Variants in CPNE1 observed in about 807,000 individuals in gnomAD.
The protein encoded by CPNE1 is copine-1.
Under a neutral mutation model 63.2 loss-of-function variants are expected in CPNE1, and 58 were observed. The observed-to-expected ratio is 0.92, with a 90% CI of 0.74 to 1.14. The LOEUF is 1.14. Among genes scored for constraint, CPNE1 ranks in the 50% most tolerant of loss-of-function variants. The pLI is 0.00. For synonymous variants in CPNE1, 237 were observed against 249.0 expected (o/e 0.95, Z 0.45); for missense variants, 672 against 661.7 (o/e 1.02, Z -0.17).
At chr20:35,664,646 G>C (rs1362263334) in intron 1 of CPNE1, 114 bp downstream of exon 1, 1 of 152,500 alleles carries the variant, frequency 6.6e-6, no homozygotes, top group African/African-American at 2.4e-5. Flanking sequence ...GACCCTTTGT[G>C]TGGGGCGCTA....
chr20:35,646,661 A>C (rs1357717125), intron 1 of CPNE1, among the ~76,000 whole-genome samples: 1 of 152,158 alleles, frequency 6.6e-6, no homozygotes, highest in East Asian at 1.9e-4. Context: ...CTATATAAGC[A>C]AGCAAAGGGA....
intron 5 of CPNE1, 24 bp from the exon 6 acceptor site, chr20:35,632,049 C>G (rs1568912689): frequency 1.2e-6 from 2 of 1,612,684 alleles, no homozygotes; most frequent in Non-Finnish European, 1.7e-6. Flanking sequence ...ACCCCAGTTA[C>G]AAGACTCAGG....
chr20:35,630,617 G>T, intron 12 of CPNE1, 124 bp downstream of exon 12: 3 of 1,446,362 alleles, frequency 2.1e-6, no homozygotes, highest in Non-Finnish European at 1.9e-6. Context: ...CTACGTGCCT[G>T]CAGGAATCCA....
At chr20:35,652,454 T>C (rs1280510621) in intron 1 of CPNE1, 6 of 1,503,924 alleles carry the variant, frequency 4.0e-6, no homozygotes, top group Admixed American at 2.1e-5. Context: ...CTGGAAATAC[T>C]AGGAAAACAA....
intron 1 of CPNE1, chr20:35,649,791 A>T (rs2033375867): frequency 6.6e-6 from 1 of 152,354 alleles, no homozygotes; most frequent in African/African-American, 2.4e-5. Context: ...AGGAAAAAAA[A>T]TTAAATCTAA....
chr20:35,651,173 T>C (rs545336799), intron 1 of CPNE1: 15 of 152,312 alleles, frequency 9.8e-5, no homozygotes, highest in Admixed American at 5.2e-4. Flanking sequence ...GTATTGTTTA[T>C]AATATAATGT....
At position 35,652,812 on chromosome 20, in the gene CPNE1, T is replaced by TGGGCCAGGGCCG. The variant is rs1555880137; in HGVS notation, c.-1+11936_-1+11947dup. On this transcript the variant is annotated intron_variant, in intron 1 of 15. Transcript: ENST00000397443. ...AGCCAGGGGGACCACCAATATGGATTGGGCCAGGGCCGGGGCCGGGGCCGG... is the reference window on the plus strand; with the variant it reads ...AGCCAGGGGGACCACCAATATGGATTGGGCCAGGGCCGGGGCCAGGGCCGGGGCCGGGGCCGG... 3.3e-5 allele frequency: 52 copies of TGGGCCAGGGCCG among 1,587,692 alleles called. No homozygotes were observed. In the Admixed American group the frequency reaches 6.9e-4, roughly 21 times the overall value.
chr20:35,652,262 G>C, intron 1 of CPNE1: 1 of 344,774 alleles, frequency 2.9e-6, no homozygotes. Context: ...GTGGTCATTT[G>C]AGTTTTACAA....
chr20:35,626,219 T>G lies in CPNE1; in HGVS notation c.*22A>C, dbSNP rs1210366932. 1.9e-6 allele frequency: 3 copies of G among 1,613,988 alleles called. No homozygotes were observed. Among genetic ancestry groups the G allele is most frequent in the Non-Finnish European group, 2.5e-6 (3 of 1,179,908 alleles). ...ACCTCTGGGACACAGGATTGAGGACTTGCCACAGCCTCCAAGGGAACCTAG... is the reference window on the plus strand; with the variant it reads ...ACCTCTGGGACACAGGATTGAGGACGTGCCACAGCCTCCAAGGGAACCTAG... On this transcript the variant is annotated 3_prime_UTR_variant, in exon 16 of 16. Coordinates refer to ENST00000397443, the MANE Select transcript of CPNE1 (RefSeq NM_152925.3).
intron 4 of CPNE1, 38 bp from the exon 5 acceptor site, chr20:35,632,272 G>A (rs752233099): frequency 8.1e-6 from 13 of 1,612,698 alleles, no homozygotes; most frequent in Middle Eastern, 1.6e-4. Context: ...TGAATTCATT[G>A]ATGTTAAGTC....
chr20:35,634,217 C>A (rs1312989825), intron 1 of CPNE1, among the ~76,000 whole-genome samples: 2 of 143,034 alleles, frequency 1.4e-5, no homozygotes, highest in Non-Finnish European at 3.0e-5. Flanking sequence ...GCCGAGATGG[C>A]GCCACTGCAC....
At chr20:35,659,462 G>C (rs1292388145) in intron 1 of CPNE1, among the ~76,000 whole-genome samples, 1 of 152,102 alleles carries the variant, frequency 6.6e-6, no homozygotes, top group East Asian at 1.9e-4. Flanking sequence ...CAATTCAAGG[G>C]TACTCATGGA....
intron 1 of CPNE1, chr20:35,652,794 G>A (rs762326338): frequency 1.5e-5 from 24 of 1,609,334 alleles, no homozygotes; most frequent in Non-Finnish European, 1.7e-5. Context: ...CAAAGCCAGG[G>A]GGACCACCAA....
At chr20:35,640,944 A>G (rs3787164) in intron 1 of CPNE1, among the ~76,000 whole-genome samples, 38,408 of 151,972 alleles carry the variant, frequency 0.25, 5,611 homozygotes, top group African/African-American at 0.41. Flanking sequence ...TCCATTTGGG[A>G]CTAGTCGGGT....
chr20:35,659,497 A>G (rs950187919), intron 1 of CPNE1, among the ~76,000 whole-genome samples: 3 of 152,210 alleles, frequency 2.0e-5, no homozygotes, highest in Non-Finnish European at 4.4e-5. Flanking sequence ...TTCTTTCAAT[A>G]TATTTTATTT....
At chr20:35,657,844 C>T (rs755256667) in intron 1 of CPNE1, among the ~76,000 whole-genome samples, 2 of 151,964 alleles carry the variant, frequency 1.3e-5, no homozygotes, top group East Asian at 1.9e-4. Context: ...GTGGATCACC[C>T]GAGGTCAGGA....
chr20:35,631,442 C>T, intron 8 of CPNE1, 50 bp downstream of exon 8: 3 of 1,603,580 alleles, frequency 1.9e-6, no homozygotes, highest in Admixed American at 1.7e-5. Flanking sequence ...CTCCCACAAG[C>T]TTCAGCTATC....
chr20:35,637,893 A>G (rs2032579218), intron 1 of CPNE1, among the ~76,000 whole-genome samples: 1 of 152,094 alleles, frequency 6.6e-6, no homozygotes, highest in African/African-American at 2.4e-5. Flanking sequence ...AACCTTATTT[A>G]CCACCTCAGG....
At chr20:35,660,850 C>T (rs559372926) in intron 1 of CPNE1, among the ~76,000 whole-genome samples, 55 of 152,242 alleles carry the variant, frequency 3.6e-4, no homozygotes, top group South Asian at 1.9e-3. Flanking sequence ...CAAAAGATAC[C>T]GTATGTCTAT....
Sources: gnomAD v4.1 joint callset for allele counts (sites outside exome capture counted in the v4.1 genomes callset) on GRCh38, gnomAD v4.1.1 for gene constraint, MANE v1.5 for transcripts, NCBI Gene and HGNC (gene_info 2026-07-23, HGNC 2026-07-21) for gene names.